The following INO80 variants were observed in gnomAD, a reference collection of about 807,000 sequenced individuals.
INO80 encodes chromatin-remodeling ATPase INO80.
In INO80, 20 loss-of-function variants were observed where a neutral mutation model predicts 203.4. The ratio of observed to expected loss-of-function variants is 0.10; its 90% CI spans 0.07 to 0.14. The LOEUF (loss-of-function observed/expected upper bound fraction) is 0.14. INO80 is among the 10% of genes least tolerant of loss of function. INO80 has a pLI of 1.00. For missense variants in INO80, 1,419 were observed against 1,914.4 expected, an observed-to-expected ratio of 0.74 and a Z score of 4.83; for synonymous variants, 726 against 685.2, an observed-to-expected ratio of 1.06 and a Z score of -0.93.
chr15:41,030,371 T>G (rs1030908827), intron 24 of INO80, among the ~76,000 whole-genome samples: 1 of 152,140 alleles, frequency 6.6e-6, no homozygotes, highest in African/African-American at 2.4e-5. Context: ...ATTCATTTAT[T>G]TTTATTTTTG....
chr15:40,982,956 C>A lies in INO80; in HGVS notation c.4359G>T (p.Thr1453=), dbSNP rs148070350. The A allele has an allele frequency of 6.2e-7, 1 of 1,614,184 alleles. No individual in the cohort carries two copies. The highest frequency in any genetic ancestry group is 8.5e-7 in the Non-Finnish European group (1 of 1,180,032). ...GAGKGRSRKS[T]AGSAAAMAGA... The stretch of plus-strand genomic sequence containing the variant: ...CTGCCATTGCAGCAGCACTGCCTGC[C>A]GTGGACTTTCGGCTCCGGCCCTTCC... The change falls in exon 35 of 36, where the codon ACG becomes ACT. Residue 1453 remains threonine, a synonymous_variant. Transcript: ENST00000648947.
At chr15:41,095,481 G>A in intron 4 of INO80, 120 bp downstream of exon 4, 1 of 716,974 alleles carries the variant, frequency 1.4e-6, no homozygotes, top group Non-Finnish European at 2.4e-6. Flanking sequence ...ACCACATCCA[G>A]TATAAGAGAA....
chr15:41,079,393 A>C (rs2045450427), intron 9 of INO80, among the ~76,000 whole-genome samples: 1 of 152,082 alleles, frequency 6.6e-6, no homozygotes, highest in Non-Finnish European at 1.5e-5. Context: ...AAAGAGAAAA[A>C]GGCCTGAGGA....
chr15:41,042,483 C>CT (rs1447582483), intron 24 of INO80, among the ~76,000 whole-genome samples: 2 of 150,994 alleles, frequency 1.3e-5, no homozygotes, highest in Admixed American at 1.3e-4. Flanking sequence ...AACTGACAGT[C>CT]TTTTTTCTGA....
In INO80 at chr15:40,983,092, G is replaced by GACTTTTTTTTTTTTTCTTTCCCTTTT; in HGVS notation, c.4238-16_4238-15insAAAAGGGAAAGAAAAAAAAAAAAAGT. 4 of 1,589,562 alleles carry GACTTTTTTTTTTTTTCTTTCCCTTTT rather than the reference G, an allele frequency of 2.5e-6. No homozygotes were observed. Among genetic ancestry groups the GACTTTTTTTTTTTTTCTTTCCCTTTT allele is most frequent in the Non-Finnish European group, 2.6e-6 (3 of 1,163,672 alleles). ...AATGGAAATTCCTGTGGGAACAAATGGGCCAAAAGGGAAAGAAAAAAAAAA... is the reference window on the plus strand; with the variant it reads ...AATGGAAATTCCTGTGGGAACAAATGACTTTTTTTTTTTTTCTTTCCCTTTTGGCCAAAAGGGAAAGAAAAAAAAAA... On this transcript the variant is annotated splice_polypyrimidine_tract_variant and intron_variant, in intron 34 of 35. Coordinates refer to ENST00000648947, the MANE Select transcript of INO80 (RefSeq NM_017553.3).
At chr15:40,999,207 G>GAAAACAA (rs753109450) in intron 28 of INO80, 1 of 152,098 alleles carries the variant, frequency 6.6e-6, no homozygotes, top group African/African-American at 2.4e-5. Context: ...TTCCAGTAAG[G>GAAAACAA]AAAACAAAAA....
At chr15:41,033,743 A>G (rs2044527404) in intron 24 of INO80, among the ~76,000 whole-genome samples, 1 of 152,226 alleles carries the variant, frequency 6.6e-6, no homozygotes, top group South Asian at 2.1e-4. Flanking sequence ...ACATCAATTA[A>G]GAGATTTTTT....
At chr15:41,077,185 G>GC (rs1421664912) in intron 9 of INO80, among the ~76,000 whole-genome samples, 4 of 150,430 alleles carry the variant, frequency 2.7e-5, no homozygotes, top group African/African-American at 9.8e-5. Flanking sequence ...GGGATTACAA[G>GC]CGTGAGCCAC....
chr15:41,004,927 G>C (rs1358903464), intron 28 of INO80: 1 of 152,104 alleles, frequency 6.6e-6, no homozygotes, highest in Non-Finnish European at 1.5e-5. Context: ...GGGATCACTG[G>C]TTCATCCCTA....
chr15:41,023,176 T>C (rs2044320446), intron 25 of INO80: 1 of 393,688 alleles, frequency 2.5e-6, no homozygotes, highest in Admixed American at 3.1e-5. Flanking sequence ...TTCCCACTAA[T>C]ACATGAGCAT....
rs2044237128 is a variant in INO80, at chr15:41,018,064, AC to A, written c.3275-1850del. ...CAATTTTGATAGCTCCTAAACATTC[AC>A]CACAGAGCTACCAATCAGCTTTAGA... On this transcript the variant is annotated intron_variant, in intron 26 of 35. Transcript: ENST00000648947. 3 of 151,888 alleles carry A rather than the reference AC, an allele frequency of 2.0e-5. No individual in the cohort carries two copies. The South Asian group carries it at 6.2e-4, about 31-fold the overall frequency. The allele number at this position is 151,888 out of a possible 1,614,324, so 9.4% of individuals were successfully genotyped here. A position where few individuals can be genotyped will look rare whatever the true frequency, so the allele number is the denominator to read the frequency against.
chr15:41,090,450 G>C (rs557690840), intron 5 of INO80, among the ~76,000 whole-genome samples: 1 of 152,148 alleles, frequency 6.6e-6, no homozygotes, highest in African/African-American at 2.4e-5. Flanking sequence ...GGTGGCACAC[G>C]CCTGTAATCT....
chr15:41,005,959 T>TAAAA (rs55706828), intron 27 of INO80, among the ~76,000 whole-genome samples: 40 of 131,410 alleles, frequency 3.0e-4, no homozygotes, highest in East Asian at 8.8e-4. Context: ...TAGGTTTCAT[T>TAAAA]AAAAAAAAAA....
intron 27 of INO80, among the ~76,000 whole-genome samples, chr15:41,009,104 T>C (rs1236423154): frequency 6.6e-6 from 1 of 152,228 alleles, no homozygotes; most frequent in East Asian, 1.9e-4. Flanking sequence ...AGTGCTGGGA[T>C]TGCAGGCATC....
At chr15:41,026,290 C>T (rs887834456) in intron 25 of INO80, among the ~76,000 whole-genome samples, 3 of 152,274 alleles carry the variant, frequency 2.0e-5, no homozygotes, top group African/African-American at 7.2e-5. Context: ...CGGTGGCTCA[C>T]ATCTGTGATC....
intron 29 of INO80, among the ~76,000 whole-genome samples, chr15:40,988,766 T>A (rs2043775828): frequency 6.6e-6 from 1 of 151,952 alleles, no homozygotes; most frequent in Admixed American, 6.5e-5. Flanking sequence ...TGTAATCCCA[T>A]CACTTTGGGA....
At chr15:41,085,648 A>C (rs1180096130) in intron 6 of INO80, 65 bp from the exon 7 acceptor site, 16 of 1,263,660 alleles carry the variant, frequency 1.3e-5, no homozygotes, top group Non-Finnish European at 1.8e-5. Flanking sequence ...CAACCTCATG[A>C]CTTAAAACAT....
In INO80 at chr15:41,055,233, A is replaced by T. The variant is rs767698352; in HGVS notation, c.2188+14T>A. 25 of 1,472,126 alleles carry T rather than the reference A, an allele frequency of 1.7e-5. No individual in the cohort carries two copies. The highest frequency in any genetic ancestry group is 4.6e-5 in the East Asian group (2 of 43,924). 91.2% of individuals were successfully genotyped at this position (1,472,126 alleles called of 1,614,324 possible). On this transcript the variant is annotated intron_variant, in intron 18 of 35. Coordinates refer to ENST00000648947, the MANE Select transcript of INO80 (RefSeq NM_017553.3). ...TGATAGGTAGATAGAAAGCCAGCTC[A>T]TAACAGTACTCACTCTCATCAATAG...
chr15:40,997,146 G>A (rs1043247747), intron 29 of INO80, among the ~76,000 whole-genome samples: 103 of 152,084 alleles, frequency 6.8e-4, no homozygotes, highest in African/African-American at 2.0e-3. Flanking sequence ...GCATGGTGGC[G>A]CATGCCTATA....
Sources: allele counts gnomAD v4.1 joint callset (sites outside exome capture counted in the v4.1 genomes callset), GRCh38; gene constraint gnomAD v4.1.1; transcripts MANE v1.5; gene names NCBI Gene and HGNC (gene_info 2026-07-23, HGNC 2026-07-21).